NDRG4: variants seen among roughly 807,000 people sequenced by gnomAD.
NDRG4 encodes protein NDRG4.
A neutral mutation model predicts 55.8 loss-of-function variants in NDRG4; 38 were observed. That is an observed-to-expected ratio of 0.68 (90% CI 0.53 to 0.89). The LOEUF (loss-of-function observed/expected upper bound fraction) is 0.89, where lower values mean the gene tolerates loss of function less well. NDRG4 is among the 40% of genes least tolerant of loss of function. The pLI, the probability that NDRG4 is intolerant of heterozygous loss-of-function variation, is 0.00. For missense variants in NDRG4, 455 were observed against 468.6 expected, an observed-to-expected ratio of 0.97 and a Z score of 0.27; for synonymous variants, 190 against 182.7, an observed-to-expected ratio of 1.04 and a Z score of -0.32.
intron 5 of NDRG4, chr16:58,506,133 C>CGTGTGTGTGTGTGTGT (rs113481456): frequency 0.018 from 9,613 of 536,682 alleles, 251 homozygotes; most frequent in Admixed American, 0.056. Context: ...GTTGAAAGAG[C>CGTGTGTGTGTGTGTGT]GTGTGTGTGT....
intron 8 of NDRG4, chr16:58,507,513 T>C (rs2038201901): frequency 2.1e-6 from 1 of 481,452 alleles, no homozygotes; most frequent in Non-Finnish European, 3.7e-6. Context: ...CAATAGAGAA[T>C]AGAGAGACCC....
At chr16:58,511,312 G>A in intron 14 of NDRG4, 110 bp from the exon 15 acceptor site, 1 of 1,281,692 alleles carries the variant, frequency 7.8e-7, no homozygotes, top group Non-Finnish European at 1.1e-6. Flanking sequence ...GGAGCCCTTT[G>A]TGCCTTCGAG....
At chr16:58,470,232 T>C (rs1217734017) in intron 1 of NDRG4, among the ~76,000 whole-genome samples, 1 of 152,134 alleles carries the variant, frequency 6.6e-6, no homozygotes, top group Non-Finnish European at 1.5e-5. Flanking sequence ...TTAAAAAAAC[T>C]AAAAATTAAT....
At chr16:58,470,223 T>TA (rs1271216281) in intron 1 of NDRG4, among the ~76,000 whole-genome samples, 5 of 152,158 alleles carry the variant, frequency 3.3e-5, no homozygotes, top group African/African-American at 7.2e-5. Context: ...GCTAATTTTT[T>TA]AAAAAAACTA....
intron 1 of NDRG4, among the ~76,000 whole-genome samples, chr16:58,472,682 C>T (rs1047615281): frequency 3.3e-5 from 5 of 152,168 alleles, no homozygotes; most frequent in African/African-American, 7.2e-5. Context: ...ACAGGGCCAT[C>T]GGCCTCTGTC....
At chr16:58,500,929 G>A (rs552502888) in intron 1 of NDRG4, 2 of 1,123,520 alleles carry the variant, frequency 1.8e-6, no homozygotes, top group South Asian at 4.3e-5. Flanking sequence ...CAGCCTTTCA[G>A]GCAGGGGTCC....
chr16:58,505,713 C>CTTTTTTTTTTTTTTTTTTTTTTTTTTT lies in NDRG4; in HGVS notation c.373-648_373-647insTTTTTTTTTTTTTTTTTTTTTTTTTTT, dbSNP rs1028370131. On this transcript the variant is annotated intron_variant, in intron 5 of 14. Coordinates refer to ENST00000570248, the MANE Select transcript of NDRG4 (RefSeq NM_001242835.2). ...ATTTATATCATGAGGGCTTCATTTT[C>CTTTTTTTTTTTTTTTTTTTTTTTTTTT]TTTTTTTTTTTTTTTTTTTTTTTTT... 1.9e-4 allele frequency among the ~76,000 whole-genome samples: 11 copies of CTTTTTTTTTTTTTTTTTTTTTTTTTTT among 58,660 alleles called. 2 individuals carry two copies. The highest frequency in any genetic ancestry group is 8.4e-4 in the African/African-American group (11 of 13,052). 38.5% of individuals were successfully genotyped at this position (58,660 alleles called of 152,430 possible).
intron 2 of NDRG4, among the ~76,000 whole-genome samples, chr16:58,492,699 G>A (rs980560598): frequency 2.6e-5 from 4 of 152,156 alleles, no homozygotes; most frequent in Non-Finnish European, 4.4e-5. Context: ...GAGTGACCAC[G>A]CCCGGCCTTC....
upstream of NDRG4, among the ~76,000 whole-genome samples, chr16:58,497,481 T>C (rs549464033): frequency 1.2e-4 from 18 of 152,344 alleles, no homozygotes; most frequent in Admixed American, 4.6e-4. Flanking sequence ...TAGCTGCCGC[T>C]GCTTACTAGC....
chr16:58,468,787 G>A (rs753603695), intron 1 of NDRG4, among the ~76,000 whole-genome samples: 6 of 152,174 alleles, frequency 3.9e-5, no homozygotes, highest in Non-Finnish European at 5.9e-5. Flanking sequence ...ACCTGCACAC[G>A]AGCTCATTAC....
Position 58,511,537 on chromosome 16 carries a change from G to T in NDRG4, c.1020G>T (p.Gly340=), listed in dbSNP as rs747308062. ...GCACCCACTCAGAGAGCAGCGAGGG[G>T]CTGGGCCAGGTCAACCACACCATGG... is the stretch of plus-strand genomic sequence containing the variant. The part of the protein sequence containing the change: ...QACTHSESSE[G]LGQVNHTMEV... Residue 340 remains glycine (G), a synonymous_variant, in exon 15 of 15, where the codon GGG becomes GGT. Coordinates refer to ENST00000570248, the MANE Select transcript of NDRG4 (RefSeq NM_001242835.2). 5.6e-6 allele frequency: 9 copies of T among 1,612,948 alleles called. No homozygotes were observed. The highest frequency in any genetic ancestry group is 2.7e-5 in the African/African-American group (2 of 74,930).
intron 1 of NDRG4, among the ~76,000 whole-genome samples, chr16:58,478,479 G>A (rs189316185): frequency 9.2e-5 from 14 of 152,006 alleles, no homozygotes; most frequent in East Asian, 1.9e-4. Flanking sequence ...AACTAAATAC[G>A]ATGTGGCATC....
In NDRG4 at chr16:58,504,614, G is replaced by A. The variant is rs2037606283; in HGVS notation, c.337G>A (p.Val113Met). ...GTTCAAGTATGTGATTGGCATCGGA[G>A]TGGGCGCCGGAGCCTATGTGCTGGC... ...FGFKYVIGIGVGAGAYVLAKF... is the reference protein window; with the variant it reads ...FGFKYVIGIGMGAGAYVLAKF... The change falls in exon 5 of 15, where the codon GTG becomes ATG. Residue 113 changes from valine to methionine, a missense_variant. Coordinates refer to ENST00000570248, the MANE Select transcript of NDRG4 (RefSeq NM_001242835.2). 6.2e-7 allele frequency: 1 copy of A among 1,614,088 alleles called. No homozygotes were observed. Among genetic ancestry groups the A allele is most frequent in the African/African-American group, 1.3e-5 (1 of 74,928 alleles).
intron 3 of NDRG4, chr16:58,495,056 C>T (rs752928849): frequency 3.2e-6 from 5 of 1,584,376 alleles, no homozygotes; most frequent in Non-Finnish European, 4.3e-6. Flanking sequence ...CAGCTGGCAG[C>T]CCCTCACCCC....
chr16:58,502,132 C>T, intron 1 of NDRG4: 1 of 420,002 alleles, frequency 2.4e-6, no homozygotes, highest in Non-Finnish European at 5.0e-6. Context: ...CCTCCCTACT[C>T]TGGGATTGAC....
chr16:58,476,653 G>A (rs189952211), intron 1 of NDRG4, among the ~76,000 whole-genome samples: 2 of 152,254 alleles, frequency 1.3e-5, no homozygotes, highest in African/African-American at 4.8e-5. Flanking sequence ...AGCTCAGAAG[G>A]AAATCCCAGA....
In NDRG4 at chr16:58,504,348, T is replaced by A. The variant is rs780904620; in HGVS notation, c.249-11T>A. On this transcript the variant is annotated splice_polypyrimidine_tract_variant and intron_variant, in intron 3 of 14. Transcript: ENST00000570248. Reference sequence around the variant, plus strand: ...CCACACCTGGGCCCTGACCTCCTGCTCTGCCTGCAGGTACCAGTTCCCCTC... The same window carrying A: ...CCACACCTGGGCCCTGACCTCCTGCACTGCCTGCAGGTACCAGTTCCCCTC... The A allele has an allele frequency of 6.2e-7, 1 of 1,613,826 alleles. No homozygotes were observed. The highest frequency in any genetic ancestry group is 1.7e-5 in the Admixed American group (1 of 60,026).
intron 1 of NDRG4, chr16:58,501,869 T>C (rs922204785): frequency 2.1e-5 from 9 of 420,328 alleles, no homozygotes; most frequent in African/African-American, 1.6e-4. Context: ...ACCCGCACGC[T>C]GCGGGTCTGG....
rs111484016 is a variant in NDRG4 at position 58,464,080 on chromosome 16, G to T, written c.-24+283G>T. 0.027 allele frequency: 6,507 copies of T among 244,438 alleles called. 138 individuals carry two copies. The highest frequency in any genetic ancestry group is 0.048 in the African/African-American group (2,139 of 44,722). 15.1% of individuals were successfully genotyped at this position (244,438 alleles called of 1,614,324 possible). A position where few individuals can be genotyped will look rare whatever the true frequency, so the allele number is the denominator to read the frequency against. Reference sequence around the variant, plus strand: ...CGACCCCCCACCGCGACGCCCGGAGGCGGCGGGGTCTCTTTGTTCGGGCGG... The same window carrying T: ...CGACCCCCCACCGCGACGCCCGGAGTCGGCGGGGTCTCTTTGTTCGGGCGG... On this transcript the variant is annotated intron_variant, in intron 1 of 15. Transcript: ENST00000258187. The surrounding 1 kb of genome is among the most constrained non-coding windows in gnomAD (Gnocchi z 4.8).
Sources: gnomAD v4.1 joint callset for allele counts (sites outside exome capture counted in the v4.1 genomes callset) on GRCh38, gnomAD v4.1.1 for gene constraint, Gnocchi (gnomAD v3.1) non-coding constraint, MANE v1.5 for transcripts, NCBI Gene and HGNC (gene_info 2026-07-23, HGNC 2026-07-21) for gene names.